The following ANKRD11 variants were observed in gnomAD, a reference collection of about 807,000 sequenced individuals.
ANKRD11 encodes ankyrin repeat domain-containing protein 11.
ANKRD11 carries 17 observed loss-of-function variants against 195.7 expected under a neutral mutation model. That is an observed-to-expected ratio of 0.09 (90% CI 0.06 to 0.13). ANKRD11 has a LOEUF of 0.13. ANKRD11 is among the 10% of genes least tolerant of loss of function. The probability of loss-of-function intolerance (pLI) is 1.00; values close to 1 mark genes in which losing one functional copy is unlikely to be tolerated. For synonymous variants in ANKRD11, 1,953 were observed against 1,528.1 expected (o/e 1.28, Z -6.49); for missense variants, 3,735 against 3,566.1 (o/e 1.05, Z -1.21).
In ANKRD11 at chr16:89,281,963, C is replaced by G. The variant is rs777979146; in HGVS notation, c.4579G>C (p.Asp1527His). The G allele has an allele frequency of 6.2e-7, 1 of 1,612,762 alleles. No individual in the cohort carries two copies. Residue 1527 changes from aspartate (D) to histidine (H), a missense_variant, in exon 9 of 13, where the codon GAT becomes CAT. Physicochemically the swap from Asp to His is moderately conservative, Grantham distance 81 (BLOSUM62 -1). Transcript: ENST00000301030. The surrounding 1 kb of genome is among the most constrained non-coding windows in gnomAD (Gnocchi z 5.5). Reference protein sequence around the residue: ...KSRDEGPRLGDAKLKEKFKDG... With the variant: ...KSRDEGPRLGHAKLKEKFKDG... ...TTGAATTTCTCCTTCAGTTTGGCATCGCCGAGCCTCGGGCCCTCGTCCCTG... is the reference window on the plus strand; with the variant it reads ...TTGAATTTCTCCTTCAGTTTGGCATGGCCGAGCCTCGGGCCCTCGTCCCTG...
chr16:89,416,006 T>A (rs1198302221), intron 2 of ANKRD11, among the ~76,000 whole-genome samples: 1 of 151,898 alleles, frequency 6.6e-6, no homozygotes, highest in African/African-American at 2.4e-5. Context: ...ACAGACCTCA[T>A]GCTAAGGGCC....
intron 1 of ANKRD11, among the ~76,000 whole-genome samples, chr16:89,444,479 G>C (rs1037976195): frequency 6.6e-6 from 1 of 152,078 alleles, no homozygotes; most frequent in Non-Finnish European, 1.5e-5. Flanking sequence ...AGTGGAGGGA[G>C]GGGGGTTGTG....
At chr16:89,273,911 C>T (rs185955698) in intron 11 of ANKRD11, among the ~76,000 whole-genome samples, 2 of 152,214 alleles carry the variant, frequency 1.3e-5, no homozygotes, top group Non-Finnish European at 2.9e-5. Context: ...CGAGGGCTCT[C>T]GGTGCGAGAT....
intron 2 of ANKRD11, among the ~76,000 whole-genome samples, chr16:89,383,521 C>A (rs1357996906): frequency 6.6e-6 from 1 of 152,234 alleles, no homozygotes; most frequent in Non-Finnish European, 1.5e-5. Context: ...GCTGCTGCCT[C>A]CTGTGTCTGC....
intron 2 of ANKRD11, among the ~76,000 whole-genome samples, chr16:89,317,862 T>C (rs1017549542): frequency 2.0e-5 from 3 of 152,218 alleles, no homozygotes; most frequent in Non-Finnish European, 4.4e-5. Context: ...AATTCCTAGA[T>C]AGCCAAGGGC....
At chr16:89,288,195 G>T in intron 7 of ANKRD11, 1 of 611,132 alleles carries the variant, frequency 1.6e-6, no homozygotes. Flanking sequence ...GTCCCACAGT[G>T]GTGACGGGGA....
intron 1 of ANKRD11, among the ~76,000 whole-genome samples, chr16:89,436,918 T>C (rs1240574130): frequency 2.6e-5 from 4 of 152,220 alleles, no homozygotes. Flanking sequence ...TAAAATTTAA[T>C]ATACATTTAT....
At chr16:89,313,654 G>C in intron 3 of ANKRD11, 6 of 1,250,770 alleles carry the variant, frequency 4.8e-6, no homozygotes, top group Non-Finnish European at 6.3e-6. Context: ...TATGGTAGAA[G>C]ACTGAGCAGA....
intron 1 of ANKRD11, among the ~76,000 whole-genome samples, chr16:89,445,773 G>C (rs559481472): frequency 6.6e-6 from 1 of 151,998 alleles, no homozygotes; most frequent in Non-Finnish European, 1.5e-5. Flanking sequence ...TCAGGAGTTC[G>C]AGACCAGCCT....
chr16:89,338,431 A>C (rs2038487498), intron 2 of ANKRD11, among the ~76,000 whole-genome samples: 1 of 151,244 alleles, frequency 6.6e-6, no homozygotes, highest in African/African-American at 2.4e-5. Context: ...TGTTAAAAAA[A>C]AAAAAAAAAA....
chr16:89,323,002 C>A (rs1442163379), intron 2 of ANKRD11: 2 of 298,332 alleles, frequency 6.7e-6, no homozygotes, highest in South Asian at 2.7e-5. Context: ...TGGCACCATG[C>A]CCGGCTAATT....
intron 4 of ANKRD11, among the ~76,000 whole-genome samples, chr16:89,294,581 G>C (rs1481557304): frequency 1.3e-5 from 2 of 152,190 alleles, no homozygotes; most frequent in African/African-American, 2.4e-5. Context: ...TTCTGGGGTA[G>C]AGGGAAAGCC....
chr16:89,284,511 A>G lies in ANKRD11; in HGVS notation c.2031T>C (p.Asp677=). 6.2e-7 allele frequency: 1 copy of G among 1,614,096 alleles called. No individual in the cohort carries two copies. Residue 677 remains aspartate (D), a synonymous_variant, in exon 9 of 13, where the codon GAT becomes GAC. Transcript: ENST00000301030. ...CTTTTAGCTTGTTTTCAGTGGAAAG[A>G]TCATTCTCTAACAGTATAGCCTTAT... ...KSDKAILLEN[D]LSTENKLKVL... is the part of the protein sequence containing the mutation.
At chr16:89,376,302 A>AT (rs2040421112) in intron 2 of ANKRD11, among the ~76,000 whole-genome samples, 1 of 152,226 alleles carries the variant, frequency 6.6e-6, no homozygotes, top group Non-Finnish European at 1.5e-5. Context: ...GGATGGTTTG[A>AT]CAGTTTTAGA....
rs1234571808 is a variant in ANKRD11, at chr16:89,279,144, G to A, written c.7398C>T (p.Tyr2466=). The change falls in exon 9 of 13, where the codon TAC becomes TAT. Residue 2466 remains tyrosine, a synonymous_variant. Transcript: ENST00000301030. This position sits in a 1 kb window ranked among gnomAD's most constrained non-coding sequence, Gnocchi z 5.6. ...AGCCCGTGTAGGTGACGTACTCGGC[G>A]TAGCACTGGGGCGCCTGCGGCGTGA... ...CCITPQAPQC[Y]AEYVTYTGSY... 7 of 1,613,678 alleles carry A rather than the reference G, an allele frequency of 4.3e-6. No individual in the cohort carries two copies. Among genetic ancestry groups the A allele is most frequent in the Non-Finnish European group, 5.1e-6 (6 of 1,180,014 alleles).
At chr16:89,444,561 T>C (rs535699113) in intron 1 of ANKRD11, among the ~76,000 whole-genome samples, 17 of 152,180 alleles carry the variant, frequency 1.1e-4, no homozygotes, top group African/African-American at 3.4e-4. Flanking sequence ...AATCCAATCA[T>C]CAAACTTTGC....
At chr16:89,445,594 C>T (rs1400100958) in intron 1 of ANKRD11, among the ~76,000 whole-genome samples, 1 of 152,192 alleles carries the variant, frequency 6.6e-6, no homozygotes, top group Non-Finnish European at 1.5e-5. Context: ...AGCACAGGGA[C>T]AATGTCCTGC....
intron 2 of ANKRD11, among the ~76,000 whole-genome samples, chr16:89,360,936 G>T (rs1308705720): frequency 6.6e-6 from 1 of 152,088 alleles, no homozygotes; most frequent in African/African-American, 2.4e-5. Flanking sequence ...GCCTGTGTCG[G>T]GACTTGGCCA....
At chr16:89,290,887 T>C (rs1232117446) in intron 5 of ANKRD11, 59 bp from the exon 6 acceptor site, 2 of 1,610,116 alleles carry the variant, frequency 1.2e-6, no homozygotes, top group Middle Eastern at 2.2e-4. Flanking sequence ...CTTTGTCCAA[T>C]CTTCAAGAGC....
Sources: gnomAD v4.1 joint callset for allele counts (sites outside exome capture counted in the v4.1 genomes callset) on GRCh38, gnomAD v4.1.1 for gene constraint, Gnocchi (gnomAD v3.1) non-coding constraint, MANE v1.5 for transcripts, NCBI Gene and HGNC (gene_info 2026-07-23, HGNC 2026-07-21) for gene names.